PROS1: variants seen among roughly 807,000 people sequenced by gnomAD.
PROS1 encodes protein S, also known as vitamin K-dependent protein S.
A neutral mutation model predicts 75.9 loss-of-function variants in PROS1; 29 were observed. That is an observed-to-expected ratio of 0.38 (90% CI 0.28 to 0.52). The LOEUF is 0.52. Ranked by LOEUF, PROS1 falls within the 20% of genes least tolerant of loss-of-function variation. The pLI is 0.83. For synonymous variants in PROS1, 245 were observed against 280.6 expected (o/e 0.87, Z 1.27); for missense variants, 680 against 810.3 (o/e 0.84, Z 1.95).
At position 93,886,336 on chromosome 3, in the gene PROS1, C is replaced by T. The variant is rs1406616973; in HGVS notation, c.1323G>A (p.Pro441=). 3.7e-6 allele frequency: 6 copies of T among 1,612,426 alleles called. No individual in the cohort carries two copies. The highest frequency in any genetic ancestry group is 2.7e-5 in the African/African-American group (2 of 74,854). ...GAATGATACAAGCTTGGATCATTACCGGTTTAATGAGTTCACTTTCCACTT... is the reference window on the plus strand; with the variant it reads ...GAATGATACAAGCTTGGATCATTACTGGTTTAATGAGTTCACTTTCCACTT... ...PRKVESELIK[P]INPRLDGCIR... is the part of the protein sequence containing the mutation. Residue 441 remains proline, a splice_region_variant and synonymous_variant, in exon 11 of 15, where the codon CCG becomes CCA. Transcript: ENST00000394236.
intron 3 of PROS1, 29 bp downstream of exon 3, chr3:93,924,211 A>T: frequency 1.6e-6 from 2 of 1,279,392 alleles, no homozygotes; most frequent in Non-Finnish European, 2.1e-6. Flanking sequence ...CATTTCTAAG[A>T]TTATATAATT....
intron 12 of PROS1, among the ~76,000 whole-genome samples, chr3:93,882,982 T>G (rs1708294235): frequency 6.6e-6 from 1 of 152,162 alleles, no homozygotes; most frequent in Non-Finnish European, 1.5e-5. Context: ...CAAAAAAAGC[T>G]ATCTATCATG....
intron 1 of PROS1, among the ~76,000 whole-genome samples, chr3:93,956,563 AACACACACACACACACAC>A (rs35328809): frequency 7.8e-6 from 1 of 128,306 alleles, no homozygotes; most frequent in African/African-American, 2.9e-5. Context: ...CACACACACA[AACACACACACACACACAC>A]ACACACACGT....
chr3:93,887,684 A>G (rs760832701), intron 10 of PROS1, among the ~76,000 whole-genome samples: 2 of 152,146 alleles, frequency 1.3e-5, no homozygotes, highest in African/African-American at 2.4e-5. Context: ...GACTTTCTTA[A>G]CTTAGCCTAC....
At chr3:93,882,720 C>T (rs181846855) in intron 12 of PROS1, among the ~76,000 whole-genome samples, 1 of 152,150 alleles carries the variant, frequency 6.6e-6, no homozygotes, top group Admixed American at 6.5e-5. Context: ...CATGCTCATT[C>T]ACAGGCTCTT....
chr3:93,876,458 G>A (rs1354545000), intron 14 of PROS1, among the ~76,000 whole-genome samples: 1 of 151,786 alleles, frequency 6.6e-6, no homozygotes, highest in Non-Finnish European at 1.5e-5. Context: ...GTGTGGTGGC[G>A]GGCACCTGTA....
Position 93,886,426 on chromosome 3 carries a change from T to A in PROS1, c.1233A>T (p.Gly411=). The A allele has an allele frequency of 6.2e-7, 1 of 1,613,456 alleles. No individual in the cohort carries two copies. The highest frequency in any genetic ancestry group is 8.5e-7 in the Non-Finnish European group (1 of 1,179,582). ...KEAVMDINKP[G]PLFKPENGLL... The stretch of plus-strand genomic sequence containing the variant: ...ATCCATTTTCCGGCTTAAAAAGGGG[T>A]CCAGGTTTATTTATATCCATCACAG... The change falls in exon 11 of 15, where the codon GGA becomes GGT. Residue 411 remains glycine, a synonymous_variant. Coordinates refer to ENST00000394236, the MANE Select transcript of PROS1 (RefSeq NM_000313.4).
chr3:93,886,756 T>C (rs1708354461), intron 10 of PROS1, among the ~76,000 whole-genome samples: 1 of 152,204 alleles, frequency 6.6e-6, no homozygotes, highest in South Asian at 2.1e-4. Flanking sequence ...AATACTATTC[T>C]GTTAAGCTTA....
intron 3 of PROS1, among the ~76,000 whole-genome samples, chr3:93,911,797 A>G (rs1399668724): frequency 6.6e-6 from 1 of 152,198 alleles, no homozygotes; most frequent in African/African-American, 2.4e-5. Context: ...GGGACACTGT[A>G]TAACTTCTAT....
At chr3:93,884,415 C>T (rs1708316358) in intron 12 of PROS1, among the ~76,000 whole-genome samples, 1 of 152,102 alleles carries the variant, frequency 6.6e-6, no homozygotes, top group South Asian at 2.1e-4. Flanking sequence ...CTTTCTGATG[C>T]ATTCATTGAT....
chr3:93,969,214 A>G (rs1709838787), intron 1 of PROS1, among the ~76,000 whole-genome samples: 1 of 150,004 alleles, frequency 6.7e-6, no homozygotes, highest in East Asian at 2.0e-4. Context: ...TACAGGAATC[A>G]TGGCCATCAC....
intron 9 of PROS1, among the ~76,000 whole-genome samples, chr3:93,894,874 AAAAT>A (rs1400445302): frequency 1.3e-5 from 2 of 152,202 alleles, no homozygotes; most frequent in Admixed American, 6.5e-5. Flanking sequence ...TGAAAAGTTT[AAAAT>A]AAATAAATAA....
intron 6 of PROS1, among the ~76,000 whole-genome samples, chr3:93,902,372 G>A (rs1360125038): frequency 6.6e-6 from 1 of 152,172 alleles, no homozygotes; most frequent in African/African-American, 2.4e-5. Flanking sequence ...GAGGCATATT[G>A]CAGGGAATTA....
At chr3:93,950,727 C>T (rs767022208) in intron 1 of PROS1, among the ~76,000 whole-genome samples, 9 of 152,286 alleles carry the variant, frequency 5.9e-5, no homozygotes, top group South Asian at 2.1e-4. Flanking sequence ...CCACAAAGAT[C>T]GGGAGAAACC....
chr3:93,909,177 C>G (rs1280997814), intron 4 of PROS1, among the ~76,000 whole-genome samples: 2 of 152,024 alleles, frequency 1.3e-5, no homozygotes, highest in African/African-American at 4.8e-5. Context: ...GTGTTTCATG[C>G]CTGTAATCCT....
intron 3 of PROS1, among the ~76,000 whole-genome samples, chr3:93,924,003 A>G (rs1708981875): frequency 6.6e-6 from 1 of 152,230 alleles, no homozygotes; most frequent in African/African-American, 2.4e-5. Flanking sequence ...TTCATGAGAA[A>G]GACATGAGAA....
Position 93,945,277 on chromosome 3 carries a change from A to T in PROS1, c.77-17870T>A, listed in dbSNP as rs183150078. ...TCTGAAACTATTCCAATCAATAGAAAAAGAGGGAATCCTCCCTAACTCATT... is the reference window on the plus strand; with the variant it reads ...TCTGAAACTATTCCAATCAATAGAATAAGAGGGAATCCTCCCTAACTCATT... On this transcript the variant is annotated intron_variant, in intron 1 of 14. Coordinates refer to ENST00000394236, the MANE Select transcript of PROS1 (RefSeq NM_000313.4). Among the ~76,000 whole-genome samples, 132 of 152,334 alleles carry T rather than the reference A, an allele frequency of 8.7e-4. 1 individual carries two copies. Among genetic ancestry groups the T allele is most frequent in the African/African-American group, 3.0e-3 (123 of 41,584 alleles).
At position 93,873,670 on chromosome 3, in the gene PROS1, TA is replaced by T. The variant is rs1364335075; in HGVS notation, c.*574del. 1 of 153,062 alleles carries T rather than the reference TA, an allele frequency of 6.5e-6. No homozygotes were observed. Among genetic ancestry groups the T allele is most frequent in the African/African-American group, 2.4e-5 (1 of 41,454 alleles). 9.5% of individuals were successfully genotyped at this position (153,062 alleles called of 1,614,324 possible). A position where few individuals can be genotyped will look rare whatever the true frequency, so the allele number is the denominator to read the frequency against. On this transcript the variant is annotated 3_prime_UTR_variant, in exon 15 of 15. Coordinates refer to ENST00000394236, the MANE Select transcript of PROS1 (RefSeq NM_000313.4). Reference sequence around the variant, plus strand: ...ATGTCCCACTTGTTTTCTAATTCAATAAAGATACTGGTTTAAATGTGAAGCC... The same window carrying T: ...ATGTCCCACTTGTTTTCTAATTCAATAAGATACTGGTTTAAATGTGAAGCC...
chr3:93,874,657 C>G (rs1708157200), intron 14 of PROS1, among the ~76,000 whole-genome samples: 1 of 152,140 alleles, frequency 6.6e-6, no homozygotes. Context: ...AACTTAAACA[C>G]ATTTGAGGGA....
Sources: gnomAD v4.1 joint callset for allele counts (sites outside exome capture counted in the v4.1 genomes callset) on GRCh38, gnomAD v4.1.1 for gene constraint, MANE v1.5 for transcripts, NCBI Gene and HGNC (gene_info 2026-07-23, HGNC 2026-07-21) for gene names.